Variants in DGKD observed in about 807,000 individuals in gnomAD.
DGKD encodes DAG kinase delta.
In DGKD, 68 loss-of-function variants were observed where a neutral mutation model predicts 154.4. The ratio of observed to expected loss-of-function variants is 0.44; its 90% CI spans 0.36 to 0.54. DGKD has a LOEUF of 0.54. DGKD is among the 20% of genes least tolerant of loss of function. DGKD has a pLI of 0.00. For missense variants in DGKD, 1,343 were observed against 1,593.6 expected, an observed-to-expected ratio of 0.84 and a Z score of 2.68; for synonymous variants, 693 against 638.0, an observed-to-expected ratio of 1.09 and a Z score of -1.30.
rs35575904 is a variant in DGKD, at chr2:233,391,606, A to G, written c.348+1123A>G. ...AGAACTTTTAAAGCTGTTTTTCTTT[A>G]TGTTATTAGGCCATCCCATGTAGAC... On this transcript the variant is annotated intron_variant, in intron 3 of 29. Coordinates refer to ENST00000264057, the MANE Select transcript of DGKD (RefSeq NM_152879.3). 8.5e-3 allele frequency among the ~76,000 whole-genome samples: 1,301 copies of G among 152,260 alleles called. 12 individuals are homozygous for G. Among genetic ancestry groups the G allele is most frequent in the Admixed American group, 0.016 (242 of 15,294 alleles).
chr2:233,367,692 A>G (rs1273047670), intron 1 of DGKD, among the ~76,000 whole-genome samples: 1 of 152,040 alleles, frequency 6.6e-6, no homozygotes, highest in Non-Finnish European at 1.5e-5. Flanking sequence ...TCTCACTTCT[A>G]TATTTTGGTT....
chr2:233,362,698 A>G (rs1056843728), intron 1 of DGKD, among the ~76,000 whole-genome samples: 1 of 152,224 alleles, frequency 6.6e-6, no homozygotes, highest in Non-Finnish European at 1.5e-5. Context: ...ATTTTCTACA[A>G]CAAATAACAG....
At chr2:233,397,935 G>C in intron 3 of DGKD, among the ~76,000 whole-genome samples, 1 of 151,912 alleles carries the variant, frequency 6.6e-6, no homozygotes. Flanking sequence ...GCTGTGGGGT[G>C]GTGGGGGAGG....
Position 233,394,690 on chromosome 2 carries a change from C to CTTTTTTTTT in DGKD, c.348+4207_348+4208insTTTTTTTTT, listed in dbSNP as rs1703879704. On this transcript the variant is annotated intron_variant, in intron 3 of 29. Coordinates refer to ENST00000264057, the MANE Select transcript of DGKD (RefSeq NM_152879.3). ...TTCCTTATTATTTTGAATTTAATTC[C>CTTTTTTTTT]CTTTTTTTTTTTTTTTTTTTTTTTT... 4.8e-5 allele frequency among the ~76,000 whole-genome samples: 4 copies of CTTTTTTTTT among 83,258 alleles called. 1 individual carries two copies. Among genetic ancestry groups the CTTTTTTTTT allele is most frequent in the African/African-American group, 1.8e-4 (4 of 22,696 alleles). The allele number at this position is 83,258 out of a possible 152,430, so 54.6% of individuals were successfully genotyped here. A position where few individuals can be genotyped will look rare whatever the true frequency, so the allele number is the denominator to read the frequency against.
chr2:233,463,185 G>A (rs368918152), intron 26 of DGKD, among the ~76,000 whole-genome samples: 1 of 152,136 alleles, frequency 6.6e-6, no homozygotes, highest in Admixed American at 6.5e-5. Context: ...TGAGGAGGAA[G>A]GGGCTTGATA....
chr2:233,435,908 T>A lies in DGKD; in HGVS notation c.677T>A (p.Ile226Asn). The A allele has an allele frequency of 6.2e-7, 1 of 1,610,432 alleles. No homozygotes were observed. ...CTGGCCTCGATCGGGAAGGACATCA[T>A]TGAAGATGCAGATGGGGTATGTTAA... Reference protein sequence around the residue: ...TTLASIGKDIIEDADGIAMPH... With the variant: ...TTLASIGKDINEDADGIAMPH... Residue 226 changes from isoleucine (I) to asparagine (N), a missense_variant, in exon 6 of 30, where the codon ATT becomes AAT. By Grantham distance (149) the Ile-to-Asn change is moderately radical. This residue lies in a region of DGKD where 332 missense variants were observed against 400.1 expected (regional missense o/e 0.83). Transcript: ENST00000264057.
rs775674058 is a variant in DGKD at position 233,445,603 on chromosome 2, C to T, written c.1195-20C>T. ...TGCCCCCAGGTGTTTGCCTGCGCAT[C>T]GTCCCCCATGTTTCCTTAGTGTCAG... On this transcript the variant is annotated intron_variant, in intron 10 of 29. Coordinates refer to ENST00000264057, the MANE Select transcript of DGKD (RefSeq NM_152879.3). This position sits in a 1 kb window ranked among gnomAD's most constrained non-coding sequence, Gnocchi z 5.5. 33 of 1,585,884 alleles carry T rather than the reference C, an allele frequency of 2.1e-5. No individual in the cohort carries two copies. Among genetic ancestry groups the T allele is most frequent in the Admixed American group, 5.3e-5 (3 of 56,406 alleles).
chr2:233,468,607 C>A lies in DGKD; in HGVS notation c.3555+54C>A, dbSNP rs149851268. On this transcript the variant is annotated intron_variant, in intron 29 of 29. Transcript: ENST00000264057. ...TGCACTTGGGCTTGCACGCAGCTCC[C>A]TTCTCTTCCATCCTCTCCCCCGACC... The A allele has an allele frequency of 9.5e-5, 152 of 1,606,668 alleles. 1 individual carries two copies. The East Asian group carries it at 1.5e-3, about 16-fold the overall frequency.
rs188342809 is a variant in DGKD at position 233,402,016 on chromosome 2, G to T, written c.348+11533G>T. Among the ~76,000 whole-genome samples, 7 of 146,876 alleles carry T rather than the reference G, an allele frequency of 4.8e-5. No individual in the cohort carries two copies. The East Asian group carries it at 1.5e-3, about 31-fold the overall frequency. On this transcript the variant is annotated intron_variant, in intron 3 of 29. Transcript: ENST00000264057. Reference sequence around the variant, plus strand: ...ATGAAGTTCAGGGTCTGGTCCTCATGTGCCCTCCCAGCCTGGCCTCTCCCC... The same window carrying T: ...ATGAAGTTCAGGGTCTGGTCCTCATTTGCCCTCCCAGCCTGGCCTCTCCCC...
intron 27 of DGKD, among the ~76,000 whole-genome samples, 176 bp from the exon 28 acceptor site, chr2:233,466,910 A>G (rs1468780043): frequency 1.3e-5 from 2 of 152,224 alleles, no homozygotes; most frequent in African/African-American, 2.4e-5. Context: ...ACTCACTAAA[A>G]TCAACACTAA....
chr2:233,367,933 C>A (rs1277103867), intron 1 of DGKD, among the ~76,000 whole-genome samples: 3 of 149,980 alleles, frequency 2.0e-5, no homozygotes, highest in African/African-American at 7.4e-5. Context: ...CTAAAGTGAT[C>A]CTCCTGCCTT....
chr2:233,467,488 TGACAAGACAA>T (rs1445842888), intron 28 of DGKD, among the ~76,000 whole-genome samples: 1 of 151,980 alleles, frequency 6.6e-6, no homozygotes, highest in Non-Finnish European at 1.5e-5. Flanking sequence ...AGTAGAGTGG[TGACAAGACAA>T]ACTTGGAGAC....
chr2:233,411,588 G>C (rs1173415148), intron 3 of DGKD, among the ~76,000 whole-genome samples: 1 of 152,142 alleles, frequency 6.6e-6, no homozygotes, highest in African/African-American at 2.4e-5. Context: ...TCCTTTGTCT[G>C]ATACATGTGT....
chr2:233,372,002 G>A (rs937443926), intron 1 of DGKD, among the ~76,000 whole-genome samples: 3 of 152,126 alleles, frequency 2.0e-5, no homozygotes, highest in African/African-American at 7.2e-5. Flanking sequence ...TACTGCCATG[G>A]AACTCATCTA....
chr2:233,465,923 CAA>C (rs1234509250), intron 27 of DGKD, among the ~76,000 whole-genome samples: 2 of 150,994 alleles, frequency 1.3e-5, no homozygotes, highest in Admixed American at 6.6e-5. Flanking sequence ...TCCAAAGTAA[CAA>C]TATAAAAATA....
chr2:233,359,465 G>A (rs1050692349), intron 1 of DGKD, among the ~76,000 whole-genome samples: 4 of 149,882 alleles, frequency 2.7e-5, no homozygotes, highest in African/African-American at 4.9e-5. Context: ...TCACTAAATG[G>A]TTGCTTTTGG....
intron 3 of DGKD, among the ~76,000 whole-genome samples, chr2:233,433,450 G>A (rs995946326): frequency 1.3e-5 from 2 of 152,190 alleles, no homozygotes; most frequent in African/African-American, 4.8e-5. Flanking sequence ...AGGCTGGGAA[G>A]GGTAGTGGGG....
At chr2:233,384,277 A>G (rs1315768271) in intron 1 of DGKD, among the ~76,000 whole-genome samples, 1 of 152,104 alleles carries the variant, frequency 6.6e-6, no homozygotes, top group Non-Finnish European at 1.5e-5. Context: ...TGCATTGGAC[A>G]TCACTGATGC....
chr2:233,412,343 G>A (rs1196444225), intron 3 of DGKD, among the ~76,000 whole-genome samples: 1 of 151,632 alleles, frequency 6.6e-6, no homozygotes, highest in Non-Finnish European at 1.5e-5. Flanking sequence ...AACGTCTTTT[G>A]TTAGATTCAT....
Sources: gnomAD v4.1 joint callset for allele counts (sites outside exome capture counted in the v4.1 genomes callset) on GRCh38, gnomAD v4.1.1 for gene constraint, gnomAD v4.1.1 regional missense constraint, Gnocchi (gnomAD v3.1) non-coding constraint, MANE v1.5 for transcripts, NCBI Gene and HGNC (gene_info 2026-07-23, HGNC 2026-07-21) for gene names.